Variants in PREX1 observed in about 807,000 individuals in gnomAD.
PREX1 encodes phosphatidylinositol 3,4,5-trisphosphate-dependent Rac exchanger 1 protein.
A neutral mutation model predicts 198.3 loss-of-function variants in PREX1; 41 were observed. That is an observed-to-expected ratio of 0.21 (90% CI 0.16 to 0.27). The LOEUF is 0.27. Among genes scored for constraint, PREX1 ranks in the 10% least tolerant of loss-of-function variants. The pLI, the probability that PREX1 is intolerant of heterozygous loss-of-function variation, is 1.00. For synonymous variants in PREX1, 843 were observed against 887.2 expected (o/e 0.95, Z 0.89); for missense variants, 1,620 against 2,200.7 (o/e 0.74, Z 5.28).
intron 29 of PREX1, 93 bp downstream of exon 29, chr20:48,642,075 G>A (rs4596036): frequency 0.27 from 348,392 of 1,296,600 alleles, 48,361 homozygotes; most frequent in Middle Eastern, 0.38. Flanking sequence ...TTCAGCAGTA[G>A]GAGGGCAGAG....
At chr20:48,670,009 T>C (rs1426473171) in intron 14 of PREX1, among the ~76,000 whole-genome samples, 1 of 152,118 alleles carries the variant, frequency 6.6e-6, no homozygotes, top group East Asian at 1.9e-4. Flanking sequence ...TCACTCAGAC[T>C]GTATGGTTGA....
At chr20:48,634,879 G>GC in intron 32 of PREX1, 104 bp from the exon 33 acceptor site, 1 of 956,306 alleles carries the variant, frequency 1.0e-6, no homozygotes, top group Non-Finnish European at 1.6e-6. Flanking sequence ...CACACTGTGG[G>GC]CCCCCTGGGT....
chr20:48,652,704 G>A lies in PREX1; in HGVS notation c.2349C>T (p.Gly783=). 6.2e-7 allele frequency: 1 copy of A among 1,611,542 alleles called. No individual in the cohort carries two copies. Among genetic ancestry groups the A allele is most frequent in the Non-Finnish European group, 8.5e-7 (1 of 1,178,614 alleles). Residue 783 remains glycine (G), a splice_region_variant and synonymous_variant, in exon 21 of 40, where the codon GGC becomes GGT. Transcript: ENST00000371941. ...GGGTGTGGTAGATCCACTGGTACAG[G>A]CCCTGCCAGAAGCCAGAGTAAGGGG... ...AFRSRREEAL[G]LYQWIYHTHE...
intron 1 of PREX1, among the ~76,000 whole-genome samples, chr20:48,787,014 C>A (rs903235586): frequency 6.6e-6 from 1 of 151,522 alleles, no homozygotes; most frequent in Admixed American, 6.6e-5. Context: ...CTCAGAAGCC[C>A]CCTTGAGCAT....
chr20:48,764,781 C>CAA lies in PREX1; in HGVS notation c.220-16903_220-16902dup, dbSNP rs1182093484. On this transcript the variant is annotated intron_variant, in intron 1 of 39. Transcript: ENST00000371941. ...TGGGAGACAGAGCAAGACTCTTTCT[C>CAA]AAAAAAAAAAAAAAAAGAAAGAAAG... Among the ~76,000 whole-genome samples the CAA allele has an allele frequency of 5.7e-3, 466 of 81,056 alleles. 2 individuals carry two copies. Among genetic ancestry groups the CAA allele is most frequent in the Middle Eastern group, 0.019 (3 of 158 alleles). The allele number at this position is 81,056 out of a possible 152,430, so 53.2% of individuals were successfully genotyped here. A position where few individuals can be genotyped will look rare whatever the true frequency, so the allele number is the denominator to read the frequency against.
At chr20:48,795,063 C>A (rs2090355288) in intron 1 of PREX1, among the ~76,000 whole-genome samples, 1 of 152,144 alleles carries the variant, frequency 6.6e-6, no homozygotes. Context: ...CAGTCACTAA[C>A]ATGACACCTG....
the PREX1 span, among the ~76,000 whole-genome samples, chr20:48,854,099 A>G: frequency 6.6e-6 from 1 of 152,264 alleles, no homozygotes; most frequent in Non-Finnish European, 1.5e-5. Flanking sequence ...TCCTCTCACC[A>G]TCGGGTCCAG....
At chr20:48,775,282 C>A (rs577296533) in intron 1 of PREX1, among the ~76,000 whole-genome samples, 2 of 151,886 alleles carry the variant, frequency 1.3e-5, no homozygotes, top group African/African-American at 2.4e-5. Context: ...GAATAGACTG[C>A]GAAGCCTTAC....
At chr20:48,627,060 G>A (rs2122795462) in intron 39 of PREX1, among the ~76,000 whole-genome samples, 1 of 152,340 alleles carries the variant, frequency 6.6e-6, no homozygotes, top group South Asian at 2.1e-4. Context: ...AGGCATCGCA[G>A]GCCTGGGCCC....
At chr20:48,851,278 G>T in the PREX1 span, among the ~76,000 whole-genome samples, 26 of 152,280 alleles carry the variant, frequency 1.7e-4, no homozygotes, top group South Asian at 1.5e-3. Flanking sequence ...AGGCTGAAGC[G>T]GGCGGATCTC....
At chr20:48,683,083 G>A (rs984491180) in intron 10 of PREX1, among the ~76,000 whole-genome samples, 3 of 152,202 alleles carry the variant, frequency 2.0e-5, no homozygotes, top group African/African-American at 7.2e-5. Flanking sequence ...GGATTGTTCT[G>A]GGTCCTGTCC....
At chr20:48,736,926 T>C (rs2090059377) in intron 3 of PREX1, among the ~76,000 whole-genome samples, 1 of 151,958 alleles carries the variant, frequency 6.6e-6, no homozygotes, top group South Asian at 2.1e-4. Flanking sequence ...ATAGCCCAAG[T>C]CTCCCGGTCA....
chr20:48,652,501 G>A, intron 21 of PREX1, 85 bp downstream of exon 21: 1 of 1,464,086 alleles, frequency 6.8e-7, no homozygotes, highest in South Asian at 1.4e-5. Context: ...AGGAGGGGAG[G>A]GGAGGGGACA....
chr20:48,744,434 T>G (rs780670092), intron 3 of PREX1, among the ~76,000 whole-genome samples: 3 of 152,208 alleles, frequency 2.0e-5, no homozygotes, highest in Non-Finnish European at 4.4e-5. Flanking sequence ...GCTTGGGTTC[T>G]TCTGTCTGTG....
chr20:48,782,182 T>C (rs1474733171), intron 1 of PREX1, among the ~76,000 whole-genome samples: 1 of 152,218 alleles, frequency 6.6e-6, no homozygotes, highest in African/African-American at 2.4e-5. Context: ...TGTTTGGCTG[T>C]GTCCTCACTC....
chr20:48,769,172 C>T (rs1325541145), intron 1 of PREX1, among the ~76,000 whole-genome samples: 2 of 152,188 alleles, frequency 1.3e-5, no homozygotes, highest in African/African-American at 4.8e-5. Context: ...ACCCTCCACA[C>T]ACACCCCCTC....
At chr20:48,767,930 C>T (rs1005208019) in intron 1 of PREX1, among the ~76,000 whole-genome samples, 1 of 152,196 alleles carries the variant, frequency 6.6e-6, no homozygotes, top group African/African-American at 2.4e-5. Context: ...TTTTAATTCC[C>T]TGTAATGCAG....
chr20:48,765,501 G>C (rs554261661), intron 1 of PREX1, among the ~76,000 whole-genome samples: 1 of 152,144 alleles, frequency 6.6e-6, no homozygotes, highest in East Asian at 1.9e-4. Context: ...ACGTGGACAC[G>C]ACAACCAGCT....
the PREX1 span, among the ~76,000 whole-genome samples, chr20:48,860,028 AAAAAG>A: frequency 3.3e-5 from 5 of 152,284 alleles, no homozygotes; most frequent in East Asian, 1.9e-4. Context: ...AAAAAACAAA[AAAAAG>A]AAAAGAAAAG....
Sources: allele counts gnomAD v4.1 joint callset (sites outside exome capture counted in the v4.1 genomes callset), GRCh38; gene constraint gnomAD v4.1.1; transcripts MANE v1.5; gene names NCBI Gene and HGNC (gene_info 2026-07-23, HGNC 2026-07-21).